The following KYAT1 variants were observed in gnomAD, a reference collection of about 807,000 sequenced individuals.
The protein encoded by KYAT1 is kynurenine--oxoglutarate transaminase 1.
KYAT1 carries 47 observed loss-of-function variants against 52.4 expected under a neutral mutation model. That is an observed-to-expected ratio of 0.90 (90% CI 0.71 to 1.14). The LOEUF is 1.14. Among genes scored for constraint, KYAT1 ranks in the 50% most tolerant of loss-of-function variants. KYAT1 has a pLI of 0.00. For synonymous variants in KYAT1, 212 were observed against 209.6 expected, an observed-to-expected ratio of 1.01 and a Z score of -0.10; for missense variants, 480 against 557.9, an observed-to-expected ratio of 0.86 and a Z score of 1.41.
chr9:128,845,645 T>G (rs933203134), intron 1 of KYAT1: 7 of 531,930 alleles, frequency 1.3e-5, no homozygotes, highest in Non-Finnish European at 2.0e-5. Context: ...CTCCCCAACC[T>G]GCAGGGGCTG....
chr9:128,839,579 C>T lies in KYAT1; in HGVS notation c.202-1212G>A, dbSNP rs532500724. On this transcript the variant is annotated intron_variant, in intron 3 of 12. Coordinates refer to ENST00000302586, the MANE Select transcript of KYAT1 (RefSeq NM_004059.5). ...GGCGGAGCTTGCAGTGAGCCGAGAT[C>T]GCGCCACTGCACTCCAGCCTGGGCG... is the stretch of plus-strand genomic sequence containing the variant. 6.6e-5 allele frequency among the ~76,000 whole-genome samples: 10 copies of T among 152,050 alleles called. No individual in the cohort carries two copies. The East Asian group carries it at 1.7e-3, about 27-fold the overall frequency.
chr9:128,863,041 A>G (rs1235159437), intron 1 of KYAT1, among the ~76,000 whole-genome samples: 1 of 151,764 alleles, frequency 6.6e-6, no homozygotes, highest in African/African-American at 2.4e-5. Flanking sequence ...GTTGGCCAGG[A>G]TGGTCTTGAA....
In KYAT1 at chr9:128,846,150, T is replaced by C. The variant is rs181173055; in HGVS notation, c.-6-739A>G. Among the ~76,000 whole-genome samples, 249 of 152,294 alleles carry C rather than the reference T, an allele frequency of 1.6e-3. 1 individual carries two copies. The highest frequency in any genetic ancestry group is 5.5e-3 in the African/African-American group (229 of 41,576). ...TGGTGTGCAGAAACTGGCCAGGGGC[T>C]GGGCACAGTGGCTCACGCCTGTAAT... On this transcript the variant is annotated intron_variant, in intron 1 of 12. Transcript: ENST00000302586.
intron 3 of KYAT1, chr9:128,840,698 A>C (rs1325877629): frequency 2.3e-6 from 1 of 434,324 alleles, no homozygotes; most frequent in African/African-American, 2.1e-5. Context: ...TAAATGAGTA[A>C]ACCTTACTGG....
chr9:128,865,324 TATATATATATATATATATATATATATA>T (rs1836084664), intron 1 of KYAT1, among the ~76,000 whole-genome samples: 1 of 16,454 alleles, frequency 6.1e-5, no homozygotes, highest in Non-Finnish European at 8.1e-5. Flanking sequence ...TATATATATA[TATATATATATATATATATATATATATA>T]TATATATATT....
In KYAT1 at chr9:128,842,791, C is replaced by G. The variant is rs1302277576; in HGVS notation, c.64G>C (p.Val22Leu). ...GIDYNPWVEF[V>L]KLASEHDVVN... ...ACGTCATGCTCACTGGCCAGTTTCA[C>G]AAACTCCACCCTGGGTAACAAATGG... The change falls in exon 3 of 13, where the codon GTG (valine) becomes CTG (leucine). Residue 22 changes from valine to leucine, a missense_variant. Coordinates refer to ENST00000302586, the MANE Select transcript of KYAT1 (RefSeq NM_004059.5). 6.2e-7 allele frequency: 1 copy of G among 1,613,478 alleles called. No homozygotes were observed. The highest frequency in any genetic ancestry group is 1.3e-5 in the African/African-American group (1 of 74,942).
At chr9:128,837,415 T>A (rs1831318401) in intron 6 of KYAT1, among the ~76,000 whole-genome samples, 2 of 152,136 alleles carry the variant, frequency 1.3e-5, no homozygotes, top group Admixed American at 6.6e-5. Flanking sequence ...ACATTACAGA[T>A]GAGATACTTC....
chr9:128,836,702 A>G, intron 7 of KYAT1, 100 bp downstream of exon 7: 1 of 1,384,644 alleles, frequency 7.2e-7, no homozygotes, highest in Non-Finnish European at 9.9e-7. Context: ...AGGGCTCCAT[A>G]ACCCTGGGTT....
intron 7 of KYAT1, 60 bp from the exon 8 acceptor site, chr9:128,836,133 G>C: frequency 6.6e-7 from 1 of 1,519,026 alleles, no homozygotes; most frequent in Non-Finnish European, 9.1e-7. Flanking sequence ...GGGGAGGATG[G>C]TGGTCTGGGC....
chr9:128,842,481 G>T (rs751571053), intron 3 of KYAT1, among the ~76,000 whole-genome samples, 173 bp downstream of exon 3: 108 of 152,146 alleles, frequency 7.1e-4, no homozygotes, highest in Admixed American at 2.0e-3. Flanking sequence ...ATCCCCACTA[G>T]ACCACGAGGC....
At position 128,835,624 on chromosome 9, in the gene KYAT1, C is replaced by A; in HGVS notation, c.899G>T (p.Arg300Leu). The change falls in exon 10 of 13, where the codon CGC (arginine) becomes CTC (leucine). Residue 300 changes from arginine to leucine, a missense_variant. Coordinates refer to ENST00000302586, the MANE Select transcript of KYAT1 (RefSeq NM_004059.5). ...CTGCACAAAGTAGCTGCTGGGTTGGCGGAAGAGCAGCTGCTCCCGTTCAAA... is the reference window on the plus strand; with the variant it reads ...CTGCACAAAGTAGCTGCTGGGTTGGAGGAAGAGCAGCTGCTCCCGTTCAAA... ...ESFEREQLLF[R>L]QPSSYFVQFP... The A allele has an allele frequency of 6.2e-7, 1 of 1,611,768 alleles. No individual in the cohort carries two copies. The highest frequency in any genetic ancestry group is 8.5e-7 in the Non-Finnish European group (1 of 1,179,940).
At chr9:128,837,012 G>T in intron 6 of KYAT1, 90 bp from the exon 7 acceptor site, 1 of 1,501,492 alleles carries the variant, frequency 6.7e-7, no homozygotes, top group Non-Finnish European at 8.9e-7. Context: ...ACACAGCTGC[G>T]GCCAGGTGCG....
chr9:128,876,709 G>A (rs1008092231), intron 1 of KYAT1, among the ~76,000 whole-genome samples: 9 of 148,278 alleles, frequency 6.1e-5, no homozygotes, highest in African/African-American at 2.2e-4. Context: ...ATGAGCCACG[G>A]CACCCGGCCT....
chr9:128,838,589 C>T (rs1052859385), intron 3 of KYAT1, among the ~76,000 whole-genome samples: 2 of 152,208 alleles, frequency 1.3e-5, no homozygotes, highest in African/African-American at 4.8e-5. Context: ...ATCCTCTCAA[C>T]AACCCAGAGG....
chr9:128,849,121 A>G (rs1467258655), intron 1 of KYAT1, among the ~76,000 whole-genome samples: 1 of 150,642 alleles, frequency 6.6e-6, no homozygotes. Context: ...TCAAAAAAAA[A>G]GGTGGGGAGG....
At chr9:128,859,636 C>T (rs1409605616) in intron 1 of KYAT1, among the ~76,000 whole-genome samples, 4 of 151,660 alleles carry the variant, frequency 2.6e-5, no homozygotes, top group Non-Finnish European at 5.9e-5. Context: ...TGCTGGTGAG[C>T]CACCTTGCCC....
chr9:128,839,773 C>T (rs1221505512), intron 3 of KYAT1, among the ~76,000 whole-genome samples: 1 of 152,228 alleles, frequency 6.6e-6, no homozygotes, highest in Non-Finnish European at 1.5e-5. Context: ...GAGGCACAGG[C>T]CAGGCACCGT....
At position 128,857,852 on chromosome 9, in the gene KYAT1, CA is replaced by C. The variant is rs1834879697; in HGVS notation, c.-6-12442del. 3.3e-5 allele frequency among the ~76,000 whole-genome samples: 5 copies of C among 151,568 alleles called. No individual in the cohort carries two copies. In the South Asian group the frequency reaches 1.0e-3, roughly 32 times the overall value. ...CTCCGTCTCAAAACAAACAAACAAACAAAAAACAAAACTAAATGTATGAACT... is the reference window on the plus strand; with the variant it reads ...CTCCGTCTCAAAACAAACAAACAAACAAAAACAAAACTAAATGTATGAACT... On this transcript the variant is annotated intron_variant, in intron 1 of 12. Transcript: ENST00000302586.
At chr9:128,855,430 G>A (rs555064954) in intron 1 of KYAT1, among the ~76,000 whole-genome samples, 2 of 152,300 alleles carry the variant, frequency 1.3e-5, no homozygotes, top group South Asian at 2.1e-4. Context: ...AGCTTACTGT[G>A]GCCTCGCACC....
Sources: allele counts gnomAD v4.1 joint callset (sites outside exome capture counted in the v4.1 genomes callset), GRCh38; gene constraint gnomAD v4.1.1; transcripts MANE v1.5; gene names NCBI Gene and HGNC (gene_info 2026-07-23, HGNC 2026-07-21).